Variants in ABCC12 observed in about 807,000 individuals in gnomAD.
ABCC12 encodes the protein ATP binding cassette subfamily C member 12, also known as ATP-binding cassette sub-family C member 12.
ABCC12 carries 142 observed loss-of-function variants against 151.1 expected under a neutral mutation model. The observed-to-expected ratio is 0.94, with a 90% confidence interval of 0.82 to 1.08. The LOEUF (loss-of-function observed/expected upper bound fraction) is 1.08. Ranked by LOEUF, ABCC12 falls within the 50% of genes least tolerant of loss-of-function variation. The pLI is 0.00. For synonymous variants in ABCC12, 645 were observed against 646.4 expected (o/e 1.00, Z 0.03); for missense variants, 1,638 against 1,691.1 (o/e 0.97, Z 0.55).
chr16:48,090,813 C>T (rs1962848522), intron 25 of ABCC12, among the ~76,000 whole-genome samples: 1 of 152,056 alleles, frequency 6.6e-6, no homozygotes, highest in African/African-American at 2.4e-5. Context: ...CTGAAACCTC[C>T]GCCTCCTGGG....
chr16:48,140,891 C>A lies in ABCC12; in HGVS notation c.453G>T (p.Gln151His), dbSNP rs777188462. 1 of 1,614,048 alleles carries A rather than the reference C, an allele frequency of 6.2e-7. No homozygotes were observed. The highest frequency in any genetic ancestry group is 2.2e-5 in the East Asian group (1 of 44,874). ...PTVLIHQILQ[Q>H]TERTSGKVWV... The stretch of plus-strand genomic sequence containing the variant: ...AGACTTTCCCAGAGGTCCTCTCAGT[C>A]TGCTGGAGGATTTGGTGAATGAGAA... The change falls in exon 6 of 31, where the codon CAG becomes CAT. Residue 151 changes from glutamine (Q) to histidine (H), a missense_variant. Coordinates refer to ENST00000311303, the MANE Select transcript of ABCC12 (RefSeq NM_001393797.1).
intron 12 of ABCC12, 119 bp from the exon 13 acceptor site, chr16:48,121,959 G>T (rs918464725): frequency 1.4e-6 from 2 of 1,435,670 alleles, no homozygotes; most frequent in African/African-American, 1.4e-5. Flanking sequence ...GCACAAAAGC[G>T]TTGACAGGAC....
intron 2 of ABCC12, among the ~76,000 whole-genome samples, chr16:48,152,529 A>G (rs1219713826): frequency 6.6e-6 from 1 of 152,210 alleles, no homozygotes; most frequent in Admixed American, 6.5e-5. Context: ...AAGCAGAGGT[A>G]GGAAAGCAGG....
In ABCC12 at chr16:48,117,320, C is replaced by A; in HGVS notation, c.1726G>T (p.Val576Phe). Residue 576 changes from valine to phenylalanine, a missense_variant, in exon 14 of 31, where the codon GTC (valine) becomes TTC (phenylalanine). Coordinates refer to ENST00000311303, the MANE Select transcript of ABCC12 (RefSeq NM_001393797.1). ...TCCTTCTGGAGGCCACAGACGCGGA[C>A]TGTGTGCTGATACCTGTTGGTGCAA... ...KYDHQRYQHT[V>F]RVCGLQKDLS... The A allele has an allele frequency of 6.2e-7, 1 of 1,613,804 alleles. No individual in the cohort carries two copies. Among genetic ancestry groups the A allele is most frequent in the South Asian group, 1.1e-5 (1 of 90,978 alleles).
At chr16:48,101,251 C>T (rs949917735) in intron 22 of ABCC12, among the ~76,000 whole-genome samples, 1 of 152,182 alleles carries the variant, frequency 6.6e-6, no homozygotes, top group Non-Finnish European at 1.5e-5. Context: ...CTGTGTTTCT[C>T]ATATCAGGAA....
rs532731840 is a variant in ABCC12 at position 48,140,664 on chromosome 16, T to C, written c.657+23A>G. 1.1e-5 allele frequency: 18 copies of C among 1,608,722 alleles called. No homozygotes were observed. In the East Asian group the frequency reaches 3.8e-4, roughly 34 times the overall value. ...CCACTCAGGGCCCATTTTCCAACAT[T>C]AAACTCCTCTGAGCCAGCTTACCTC... On this transcript the variant is annotated intron_variant, in intron 6 of 30. Transcript: ENST00000311303.
At chr16:48,148,979 T>C (rs1284917476) in intron 2 of ABCC12, among the ~76,000 whole-genome samples, 3 of 152,096 alleles carry the variant, frequency 2.0e-5, no homozygotes, top group African/African-American at 7.2e-5. Context: ...AAATGTTTAA[T>C]ACGTATTTGT....
intron 11 of ABCC12, among the ~76,000 whole-genome samples, chr16:48,124,527 G>C (rs764688254): frequency 4.6e-5 from 7 of 152,204 alleles, no homozygotes; most frequent in Non-Finnish European, 7.3e-5. Flanking sequence ...GCACCCACAG[G>C]GCTTCTAGAA....
rs868392600 is a variant in ABCC12, at chr16:48,151,944, T to G, written c.-51+1672A>C. Among the ~76,000 whole-genome samples, 5 of 152,310 alleles carry G rather than the reference T, an allele frequency of 3.3e-5. No individual in the cohort carries two copies. The South Asian group carries it at 1.0e-3, about 32-fold the overall frequency. ...GGAGGACTTTTGTGGGAGGTGAGAC[T>G]AGAAGGATTTGAGAAAAAGCCCAAA... is the stretch of plus-strand genomic sequence containing the variant. On this transcript the variant is annotated intron_variant, in intron 2 of 30. Transcript: ENST00000311303.
At chr16:48,134,442 G>A (rs944746498) in intron 8 of ABCC12, among the ~76,000 whole-genome samples, 3 of 152,232 alleles carry the variant, frequency 2.0e-5, no homozygotes, top group Admixed American at 6.5e-5. Context: ...TCACAAGAAT[G>A]TTTGGTTCCC....
chr16:48,086,626 C>T, intron 28 of ABCC12, 115 bp downstream of exon 28: 1 of 879,050 alleles, frequency 1.1e-6, no homozygotes, highest in East Asian at 2.4e-5. Context: ...GTGGTGTCTA[C>T]AAATAAACCT....
At chr16:48,087,069 G>A (rs914207001) in intron 27 of ABCC12, 13 of 423,852 alleles carry the variant, frequency 3.1e-5, no homozygotes, top group Admixed American at 1.4e-4. Flanking sequence ...GAACCCTGCC[G>A]AGAGGCAGCT....
chr16:48,135,241 C>A (rs753746197), intron 8 of ABCC12, among the ~76,000 whole-genome samples: 18 of 152,136 alleles, frequency 1.2e-4, no homozygotes, highest in Non-Finnish European at 2.6e-4. Context: ...GCTTGGCACG[C>A]AGCAAATAAA....
intron 4 of ABCC12, 91 bp from the exon 5 acceptor site, chr16:48,141,444 CG>C: frequency 6.6e-7 from 1 of 1,516,354 alleles, no homozygotes. Flanking sequence ...CAAGGGTGCT[CG>C]GCAGAGCCCC....
chr16:48,108,154 T>A (rs1963561830), intron 19 of ABCC12, among the ~76,000 whole-genome samples: 1 of 152,224 alleles, frequency 6.6e-6, no homozygotes. Flanking sequence ...GACTGGCCAC[T>A]GCTGTACAGA....
intron 24 of ABCC12, among the ~76,000 whole-genome samples, chr16:48,091,939 A>T (rs1962914938): frequency 1.3e-5 from 2 of 152,152 alleles, no homozygotes; most frequent in Admixed American, 1.3e-4. Context: ...GTGGGTCCTA[A>T]GTCCAGTGAT....
intron 13 of ABCC12, among the ~76,000 whole-genome samples, chr16:48,119,920 T>C (rs1567452227): frequency 6.6e-6 from 1 of 152,140 alleles, no homozygotes; most frequent in Non-Finnish European, 1.5e-5. Flanking sequence ...TCAACTCGCC[T>C]CTCTAGGCCC....
rs7193955 is a variant in ABCC12, at chr16:48,088,671, G to A, written c.3349C>T (p.Arg1117Cys). 0.75 allele frequency: 1,211,292 copies of A among 1,613,926 alleles called. 469,291 individuals carry two copies. The highest frequency in any genetic ancestry group is 0.91 in the East Asian group (40,976 of 44,872). Residue 1117 changes from arginine (R) to cysteine (C), a missense_variant, in exon 26 of 31, where the codon CGT becomes TGT. Coordinates refer to ENST00000311303, the MANE Select transcript of ABCC12 (RefSeq NM_001393797.1). ...VGTCPKDWPS[R>C]GEITFRDYQM... ...TAGTCTCTGAAGGTGATCTCCCCAC[G>A]GCTGGGCCAGTCCTTGGGACAGGTC...
chr16:48,104,022 CA>C (rs1034985096), intron 22 of ABCC12, 119 bp downstream of exon 22: 89 of 1,098,904 alleles, frequency 8.1e-5, no homozygotes, highest in South Asian at 6.5e-4. Flanking sequence ...TTACTAAGTA[CA>C]AAAAAAATCA....
Sources: gnomAD v4.1 joint callset for allele counts (sites outside exome capture counted in the v4.1 genomes callset) on GRCh38, gnomAD v4.1.1 for gene constraint, MANE v1.5 for transcripts, NCBI Gene and HGNC (gene_info 2026-07-23, HGNC 2026-07-21) for gene names.